The following FBXW8 variants were observed in gnomAD, a reference collection of about 807,000 sequenced individuals.
The protein encoded by FBXW8 is F-box and WD repeat domain containing 8.
FBXW8 carries 57 observed loss-of-function variants against 65.3 expected under a neutral mutation model. That is an observed-to-expected ratio of 0.87 (90% CI 0.71 to 1.09). The LOEUF is 1.09. FBXW8 is among the 50% of genes least tolerant of loss of function. FBXW8 has a pLI of 0.00. For missense variants in FBXW8, 777 were observed against 814.8 expected (o/e 0.95, Z 0.57); for synonymous variants, 308 against 330.2 (o/e 0.93, Z 0.73).
chr12:116,958,307 A>G lies in FBXW8; in HGVS notation c.678-6390A>G, dbSNP rs114805544. Among the ~76,000 whole-genome samples the G allele has an allele frequency of 4.3e-3, 651 of 152,348 alleles. 5 individuals carry two copies. Among genetic ancestry groups the G allele is most frequent in the African/African-American group, 0.015 (633 of 41,572 alleles). On this transcript the variant is annotated intron_variant, in intron 4 of 10. Coordinates refer to ENST00000652555, the MANE Select transcript of FBXW8 (RefSeq NM_153348.3). ...TGCTTTTATTGATTGGTATTCTTTG[A>G]TATTACTGAAGAAATACCAAAGAAG...
chr12:116,942,339 T>C (rs1882637470), intron 2 of FBXW8, among the ~76,000 whole-genome samples: 1 of 150,854 alleles, frequency 6.6e-6, no homozygotes, highest in African/African-American at 2.4e-5. Context: ...CCCCATAGAG[T>C]AGATAATCTC....
intron 7 of FBXW8, among the ~76,000 whole-genome samples, chr12:117,002,057 C>T (rs1407149852): frequency 1.3e-5 from 2 of 152,188 alleles, no homozygotes; most frequent in African/African-American, 2.4e-5. Flanking sequence ...TCTGTGGGTT[C>T]CTTTCAGGCT....
intron 4 of FBXW8, among the ~76,000 whole-genome samples, chr12:116,959,811 CTATT>C (rs1225144969): frequency 6.6e-6 from 1 of 152,106 alleles, no homozygotes; most frequent in African/African-American, 2.4e-5. Context: ...GGTCTCTGAC[CTATT>C]TATTTAGAGG....
intron 7 of FBXW8, chr12:117,002,878 A>G (rs1391384089): frequency 6.6e-6 from 1 of 151,930 alleles, no homozygotes; most frequent in African/African-American, 2.4e-5. Context: ...GAGACTGTTC[A>G]CCTAGCTTTG....
intron 9 of FBXW8, among the ~76,000 whole-genome samples, chr12:117,026,280 C>CTGTGGGTGTCCCA: frequency 1.3e-5 from 2 of 148,696 alleles, no homozygotes; most frequent in African/African-American, 2.6e-5. Flanking sequence ...CACTTTCCTT[C>CTGTGGGTGTCCCA]AGTCCTCCAG....
intron 7 of FBXW8, among the ~76,000 whole-genome samples, chr12:117,003,698 G>A (rs1953600245): frequency 6.6e-6 from 1 of 152,166 alleles, no homozygotes; most frequent in Non-Finnish European, 1.5e-5. Context: ...TTGAAAGGTA[G>A]TTTTGCTAGT....
chr12:117,019,653 T>C (rs750238720), intron 8 of FBXW8, among the ~76,000 whole-genome samples: 33 of 151,894 alleles, frequency 2.2e-4, no homozygotes, highest in Non-Finnish European at 4.4e-4. Context: ...TGTATGGGAG[T>C]GTATATAAGG....
At chr12:116,934,888 C>T (rs772617658) in intron 2 of FBXW8, among the ~76,000 whole-genome samples, 1 of 152,312 alleles carries the variant, frequency 6.6e-6, no homozygotes, top group East Asian at 1.9e-4. Flanking sequence ...ACATTCATCA[C>T]GAGAATCTCT....
intron 9 of FBXW8, among the ~76,000 whole-genome samples, chr12:117,025,438 T>G (rs1158781622): frequency 6.6e-6 from 1 of 152,210 alleles, no homozygotes; most frequent in Non-Finnish European, 1.5e-5. Flanking sequence ...TGTTCCCCAC[T>G]TACCGCAAAT....
At position 116,964,847 on chromosome 12, in the gene FBXW8, T is replaced by C. The variant is rs1404780632; in HGVS notation, c.828T>C (p.Tyr276=). The C allele has an allele frequency of 3.1e-6, 5 of 1,606,694 alleles. No individual in the cohort carries two copies. The highest frequency in any genetic ancestry group is 1.3e-5 in the African/African-American group (1 of 74,660). ...RINSSLAVAA[Y]EDGFLNIWDL... is the part of the protein sequence containing the mutation. The stretch of plus-strand genomic sequence containing the variant: ...ACAGCTCGTTGGCAGTAGCAGCTTA[T>C]GAGGATGGTAAGTAACCACAACCCT... Residue 276 remains tyrosine, a synonymous_variant, in exon 5 of 11, where the codon TAT becomes TAC. Coordinates refer to ENST00000652555, the MANE Select transcript of FBXW8 (RefSeq NM_153348.3).
Position 117,013,768 on chromosome 12 carries a change from C to A in FBXW8, c.1367+3318C>A, listed in dbSNP as rs994467365. On this transcript the variant is annotated intron_variant, in intron 8 of 10. Transcript: ENST00000652555. ...TATTTATTTATTTATTTTTTATTATCATCAGTGGTGTTTTCAATGAAATGA... is the reference window on the plus strand; with the variant it reads ...TATTTATTTATTTATTTTTTATTATAATCAGTGGTGTTTTCAATGAAATGA... Among the ~76,000 whole-genome samples the A allele has an allele frequency of 3.3e-5, 5 of 151,800 alleles. No homozygotes were observed. In the East Asian group the frequency reaches 7.7e-4, roughly 23 times the overall value.
chr12:116,934,178 C>G (rs118166350), intron 2 of FBXW8, among the ~76,000 whole-genome samples: 2 of 152,152 alleles, frequency 1.3e-5, no homozygotes, highest in South Asian at 4.1e-4. Flanking sequence ...CATATCCCCT[C>G]CTCTTTTTTT....
intron 8 of FBXW8, among the ~76,000 whole-genome samples, chr12:117,014,639 AGTTCTGTTTACCCTTTGTGG>A (rs1403017500): frequency 2.2e-4 from 33 of 152,206 alleles, no homozygotes; most frequent in African/African-American, 7.5e-4. Flanking sequence ...TCAGACGGCA[AGTTCTGTTTACCCTTTGTGG>A]GTGGTGACTC....
intron 1 of FBXW8, among the ~76,000 whole-genome samples, chr12:116,912,390 G>A (rs1207306531): frequency 6.7e-6 from 1 of 148,588 alleles, no homozygotes; most frequent in Non-Finnish European, 1.5e-5. Flanking sequence ...AGGTCTCCCT[G>A]TATTGCCCAG....
At chr12:116,972,786 A>G (rs1356206883) in intron 5 of FBXW8, among the ~76,000 whole-genome samples, 1 of 152,210 alleles carries the variant, frequency 6.6e-6, no homozygotes, top group Non-Finnish European at 1.5e-5. Context: ...TAGATAGAGA[A>G]GTAAACAGAG....
chr12:116,914,108 A>C (rs1376222636), intron 1 of FBXW8, among the ~76,000 whole-genome samples: 2 of 152,054 alleles, frequency 1.3e-5, no homozygotes, highest in Non-Finnish European at 2.9e-5. Flanking sequence ...CTGGTTCTAC[A>C]AAAAATTTAA....
At chr12:116,964,636 T>C (rs1884198101) in intron 4 of FBXW8, 61 bp from the exon 5 acceptor site, 2 of 1,597,476 alleles carry the variant, frequency 1.3e-6, no homozygotes, top group Non-Finnish European at 1.7e-6. Context: ...CTGTGCATTT[T>C]CCCCACCATA....
rs1175622967 is a variant in FBXW8, at chr12:117,010,398, A to G, written c.1315A>G (p.Asn439Asp). ...GNVLRDFTCV[N>D]LSDSPPNLMV... is the part of the protein sequence containing the mutation. The stretch of plus-strand genomic sequence containing the variant: ...CGTTCTCCGTGACTTCACGTGTGTC[A>G]ACCTCAGCGACAGCCCTCCCAACCT... Residue 439 changes from asparagine (N) to aspartate (D), a missense_variant, in exon 8 of 11, where the codon AAC becomes GAC. Coordinates refer to ENST00000652555, the MANE Select transcript of FBXW8 (RefSeq NM_153348.3). 6 of 1,614,190 alleles carry G rather than the reference A, an allele frequency of 3.7e-6. No individual in the cohort carries two copies. Among genetic ancestry groups the G allele is most frequent in the Non-Finnish European group, 5.1e-6 (6 of 1,180,010 alleles).
chr12:116,939,658 T>G (rs1440927754), intron 2 of FBXW8, among the ~76,000 whole-genome samples: 2 of 152,250 alleles, frequency 1.3e-5, no homozygotes, highest in African/African-American at 4.8e-5. Context: ...AAAAGGCATA[T>G]GTATGCCCAG....
Sources: allele counts gnomAD v4.1 joint callset (sites outside exome capture counted in the v4.1 genomes callset), GRCh38; gene constraint gnomAD v4.1.1; transcripts MANE v1.5; gene names NCBI Gene and HGNC (gene_info 2026-07-23, HGNC 2026-07-21).